The following REXO4 variants were observed in gnomAD, a reference collection of about 807,000 sequenced individuals.
REXO4 encodes REX4 homolog, 3'-5' exonuclease.
REXO4 carries 29 observed loss-of-function variants against 39.9 expected under a neutral mutation model. That is an observed-to-expected ratio of 0.73 (90% CI 0.54 to 0.99). REXO4 has a LOEUF of 0.99. REXO4 is among the 50% of genes least tolerant of loss of function. The pLI is 0.00. For synonymous variants in REXO4, 184 were observed against 206.2 expected (o/e 0.89, Z 0.92); for missense variants, 524 against 546.5 (o/e 0.96, Z 0.41).
chr9:133,411,926 C>CA (rs1358296269), intron 4 of REXO4, among the ~76,000 whole-genome samples: 4 of 150,252 alleles, frequency 2.7e-5, no homozygotes, highest in East Asian at 3.9e-4. Context: ...AACTCCATCT[C>CA]AAAAAAAAAT....
At position 133,407,852 on chromosome 9, in the gene REXO4, T is replaced by A. The variant is rs781979224; in HGVS notation, c.1104A>T (p.Ser368=). ...GGACCTGGAGCCCAAGGATCTTCTC[T>A]GAAAGTAGTCTCAGAGACGGCCTTC... The part of the protein sequence containing the change: ...KSGRPSLRLL[S]EKILGLQVQQ... The change falls in exon 7 of 8, where the codon TCA becomes TCT. Residue 368 remains serine (S), a synonymous_variant. Transcript: ENST00000371942. 3 of 1,613,910 alleles carry A rather than the reference T, an allele frequency of 1.9e-6. No individual in the cohort carries two copies. The South Asian group carries it at 3.3e-5, about 18-fold the overall frequency.
intron 2 of REXO4, among the ~76,000 whole-genome samples, chr9:133,413,354 G>A (rs782731490): frequency 2.5e-4 from 38 of 152,028 alleles, no homozygotes; most frequent in Non-Finnish European, 5.1e-4. Context: ...CACCTGCCTC[G>A]GCCTCCCAAA....
At position 133,406,689 on chromosome 9, in the gene REXO4, G is replaced by A. The variant is rs587738847; in HGVS notation, c.*264C>T. ...ACCTGGCCCAGGGGGTCAGCAGTCG[G>A]TAAAGCGTGGCCAGGCGTGCCCATG... On this transcript the variant is annotated 3_prime_UTR_variant, in exon 8 of 8. Transcript: ENST00000371942. 6 of 501,304 alleles carry A rather than the reference G, an allele frequency of 1.2e-5. No homozygotes were observed. In the South Asian group the frequency reaches 1.3e-4, roughly 11 times the overall value. 31.1% of individuals were successfully genotyped at this position (501,304 alleles called of 1,614,324 possible). A position where few individuals can be genotyped will look rare whatever the true frequency, so the allele number is the denominator to read the frequency against.
intron 7 of REXO4, 43 bp from the exon 8 acceptor site, chr9:133,407,115 G>A (rs370076979): frequency 2.6e-5 from 41 of 1,607,452 alleles, no homozygotes; most frequent in African/African-American, 5.3e-5. Context: ...AGGCATAGCC[G>A]CAGCCCACAG....
At chr9:133,417,292 C>T (rs1554781838) in intron 1 of REXO4, among the ~76,000 whole-genome samples, 1 of 152,268 alleles carries the variant, frequency 6.6e-6, no homozygotes, top group African/African-American at 2.4e-5. Flanking sequence ...GCTGGGATCA[C>T]AGGCGTGAGG....
At position 133,406,898 on chromosome 9, in the gene REXO4, G is replaced by A. The variant is rs1053861313; in HGVS notation, c.*55C>T. On this transcript the variant is annotated 3_prime_UTR_variant, in exon 8 of 8. Transcript: ENST00000371942. ...CTCTGGGGAGATGTGATCTGTCCCT[G>A]TGACTGGTCACATTGCCTCTGTAGC... 3.1e-6 allele frequency: 5 copies of A among 1,602,596 alleles called. No homozygotes were observed. Among genetic ancestry groups the A allele is most frequent in the Non-Finnish European group, 4.2e-6 (5 of 1,179,484 alleles).
Position 133,417,982 on chromosome 9 carries a change from C to G in REXO4, c.-138G>C. 3 of 747,950 alleles carry G rather than the reference C, an allele frequency of 4.0e-6. No individual in the cohort carries two copies. Among genetic ancestry groups the G allele is most frequent in the East Asian group, 5.4e-5 (2 of 37,104 alleles). 46.3% of individuals were successfully genotyped at this position (747,950 alleles called of 1,614,324 possible). On this transcript the variant is annotated 5_prime_UTR_variant, in exon 1 of 8. Transcript: ENST00000371942. The stretch of plus-strand genomic sequence containing the variant: ...CAGGGACCCCGTCCAGGAAAAGACT[C>G]CGGAAGAGACCCCGCACGCGTTGCG...
At chr9:133,408,667 A>T in intron 6 of REXO4, 101 bp downstream of exon 6, 1 of 796,478 alleles carries the variant, frequency 1.3e-6, no homozygotes, top group Non-Finnish European at 2.1e-6. Context: ...AAGAAAAAAC[A>T]AAAACCCTTT....
intron 5 of REXO4, among the ~76,000 whole-genome samples, chr9:133,409,196 A>C (rs1195327904): frequency 6.6e-6 from 1 of 151,976 alleles, no homozygotes; most frequent in Non-Finnish European, 1.5e-5. Flanking sequence ...CGAACTCCTG[A>C]CCTCAGGTGA....
chr9:133,415,299 C>T (rs782183490), intron 1 of REXO4, among the ~76,000 whole-genome samples: 4 of 152,162 alleles, frequency 2.6e-5, no homozygotes, highest in Non-Finnish European at 4.4e-5. Context: ...ACCTTGGGTA[C>T]CTGTTGAGTG....
At chr9:133,408,693 C>T in intron 6 of REXO4, 75 bp downstream of exon 6, 2 of 990,578 alleles carry the variant, frequency 2.0e-6, no homozygotes, top group Non-Finnish European at 3.1e-6. Context: ...ACAAGTCAGC[C>T]ACCAGTGACC....
intron 1 of REXO4, 87 bp downstream of exon 1, chr9:133,417,533 C>A (rs1009219821): frequency 2.4e-5 from 34 of 1,411,256 alleles, no homozygotes; most frequent in Non-Finnish European, 3.1e-5. Flanking sequence ...CTTTACAGGT[C>A]TTTTGGGGCT....
At chr9:133,411,963 C>T (rs1237220762) in intron 4 of REXO4, among the ~76,000 whole-genome samples, 9 of 152,016 alleles carry the variant, frequency 5.9e-5, no homozygotes, top group Admixed American at 4.6e-4. Flanking sequence ...AATGAGGTCT[C>T]GCTATGTTGT....
intron 4 of REXO4, among the ~76,000 whole-genome samples, chr9:133,411,642 GA>G (rs1839215833): frequency 6.6e-6 from 1 of 152,112 alleles, no homozygotes; most frequent in African/African-American, 2.4e-5. Flanking sequence ...ATATTTTTTA[GA>G]AGGCCAGGTG....
At chr9:133,413,870 G>T (rs1024902474) in intron 2 of REXO4, among the ~76,000 whole-genome samples, 1 of 152,140 alleles carries the variant, frequency 6.6e-6, no homozygotes, top group Non-Finnish European at 1.5e-5. Context: ...CCACCTCACT[G>T]AACTCTATCC....
rs782155854 is a variant in REXO4 at position 133,407,012 on chromosome 9, T to C, written c.1210A>G (p.Met404Val). The part of the protein sequence containing the change: ...YVMVKKEWES[M>V]ARDRRPLLTA... ...AGCAGGGGGCGCCTGTCTCGGGCCA[T>C]GCTCTCCCACTCCTTCTTCACCATG... Residue 404 changes from methionine to valine, a missense_variant, in exon 8 of 8, where the codon ATG (methionine) becomes GTG (valine). Coordinates refer to ENST00000371942, the MANE Select transcript of REXO4 (RefSeq NM_020385.4). 4 of 1,613,250 alleles carry C rather than the reference T, an allele frequency of 2.5e-6. No homozygotes were observed. Among genetic ancestry groups the C allele is most frequent in the South Asian group, 1.1e-5 (1 of 91,086 alleles).
In REXO4 at chr9:133,406,631, C is replaced by G; in HGVS notation, c.*322G>C. ...CACCGAAGATGGGCAGTGACAGCACCGTATGGACTGGCGGCCCACAGGCCC... is the reference window on the plus strand; with the variant it reads ...CACCGAAGATGGGCAGTGACAGCACGGTATGGACTGGCGGCCCACAGGCCC... On this transcript the variant is annotated 3_prime_UTR_variant, in exon 8 of 8. Coordinates refer to ENST00000371942, the MANE Select transcript of REXO4 (RefSeq NM_020385.4). The G allele has an allele frequency of 2.6e-6, 1 of 382,484 alleles. No homozygotes were observed. Among genetic ancestry groups the G allele is most frequent in the Non-Finnish European group, 5.0e-6 (1 of 200,700 alleles). The allele number at this position is 382,484 out of a possible 1,614,324, so 23.7% of individuals were successfully genotyped here.
chr9:133,409,282 G>A (rs587692161), intron 5 of REXO4, among the ~76,000 whole-genome samples: 1 of 152,192 alleles, frequency 6.6e-6, no homozygotes, highest in Non-Finnish European at 1.5e-5. Context: ...GTAACATCTT[G>A]TAGGGAATCC....
intron 5 of REXO4, 82 bp downstream of exon 5, chr9:133,410,902 TA>T: frequency 2.9e-6 from 3 of 1,025,452 alleles, no homozygotes; most frequent in Non-Finnish European, 4.6e-6. Flanking sequence ...CACACATTGT[TA>T]AAACTCCCCA....
Sources: gnomAD v4.1 joint callset for allele counts (sites outside exome capture counted in the v4.1 genomes callset) on GRCh38, gnomAD v4.1.1 for gene constraint, MANE v1.5 for transcripts, NCBI Gene and HGNC (gene_info 2026-07-23, HGNC 2026-07-21) for gene names.